Variants in EHMT1 observed in about 807,000 individuals in gnomAD.
The protein encoded by EHMT1 is euchromatic histone lysine methyltransferase 1.
A neutral mutation model predicts 147.2 loss-of-function variants in EHMT1; 15 were observed. That is an observed-to-expected ratio of 0.10 (90% CI 0.07 to 0.16). The LOEUF is 0.16. Among genes scored for constraint, EHMT1 ranks in the 10% least tolerant of loss-of-function variants. The probability of loss-of-function intolerance (pLI) is 1.00; values close to 1 mark genes in which losing one functional copy is unlikely to be tolerated. For synonymous variants in EHMT1, 795 were observed against 709.6 expected, an observed-to-expected ratio of 1.12 and a Z score of -1.91; for missense variants, 1,587 against 1,772.4, an observed-to-expected ratio of 0.90 and a Z score of 1.88.
intron 6 of EHMT1, among the ~76,000 whole-genome samples, 178 bp from the exon 7 acceptor site, chr9:137,752,153 C>T (rs1486106348): frequency 6.6e-6 from 1 of 152,230 alleles, no homozygotes; most frequent in Non-Finnish European, 1.5e-5. Flanking sequence ...CACTCGGTCA[C>T]CCCACACACC....
rs1247668468 is a variant in EHMT1, at chr9:137,636,069, A to ACC, written c.21+17020_21+17021insCC. Among the ~76,000 whole-genome samples, 4 of 151,432 alleles carry ACC rather than the reference A, an allele frequency of 2.6e-5. No individual in the cohort carries two copies. In the East Asian group the frequency reaches 8.0e-4, roughly 30 times the overall value. ...CCTGAGTAGTTGGGATTACAGGTGCATGCCACCACGCCTTGCTAATTTTTG... is the reference window on the plus strand; with the variant it reads ...CCTGAGTAGTTGGGATTACAGGTGCACCTGCCACCACGCCTTGCTAATTTTTG... On this transcript the variant is annotated intron_variant, in intron 1 of 26. Coordinates refer to ENST00000460843, the MANE Select transcript of EHMT1 (RefSeq NM_024757.5).
intron 9 of EHMT1, among the ~76,000 whole-genome samples, chr9:137,758,730 A>G (rs1949571342): frequency 6.6e-6 from 1 of 152,220 alleles, no homozygotes; most frequent in Admixed American, 6.5e-5. Context: ...GGCCATTTAA[A>G]AATGACAAAT....
rs777132995 is a variant in EHMT1 at position 137,834,492 on chromosome 9, C to T, written c.3684C>T (p.Ser1228=). ...GGTTCCCCCGGATCGCCTTCTTCAG[C>T]ACCCGCCTGATCGAGGCCGGCGAGC... ...DLRFPRIAFF[S]TRLIEAGEQL... The change falls in exon 26 of 27, where the codon AGC becomes AGT. Residue 1228 remains serine (S), a synonymous_variant. Coordinates refer to ENST00000460843, the MANE Select transcript of EHMT1 (RefSeq NM_024757.5). 111 of 1,612,128 alleles carry T rather than the reference C, an allele frequency of 6.9e-5. No individual in the cohort carries two copies. The highest frequency in any genetic ancestry group is 8.7e-5 in the Non-Finnish European group (103 of 1,179,764).
At chr9:137,695,606 G>C (rs543615888) in intron 1 of EHMT1, among the ~76,000 whole-genome samples, 1 of 152,190 alleles carries the variant, frequency 6.6e-6, no homozygotes, top group Non-Finnish European at 1.5e-5. Flanking sequence ...TGTTAGTGTG[G>C]GCTGCGTCCT....
chr9:137,756,493 G>T (rs1250232958), intron 8 of EHMT1, among the ~76,000 whole-genome samples: 1 of 152,190 alleles, frequency 6.6e-6, no homozygotes, highest in South Asian at 2.1e-4. Flanking sequence ...AAAAGAGAGG[G>T]TTGCGGGAGA....
rs1951621210 is a variant in EHMT1, at chr9:137,782,350, G to A, written c.2335G>A (p.Ala779Thr). 1.2e-6 allele frequency: 2 copies of A among 1,613,008 alleles called. No individual in the cohort carries two copies. Among genetic ancestry groups the A allele is most frequent in the Non-Finnish European group, 8.5e-7 (1 of 1,179,900 alleles). Residue 779 changes from alanine (A) to threonine (T), a missense_variant, in exon 15 of 27, where the codon GCC becomes ACC. Ala to Thr is a moderately conservative substitution (Grantham distance 58). Coordinates refer to ENST00000460843, the MANE Select transcript of EHMT1 (RefSeq NM_024757.5). The surrounding 1 kb of genome is among the most constrained non-coding windows in gnomAD (Gnocchi z 5.7). ...CCAGAATAAGCGCTCTCCACTGCAC[G>A]CCGCGGCAGAGGCTGGACACGTGGA... ...EHQNKRSPLH[A>T]AAEAGHVDIC...
intron 12 of EHMT1, 113 bp from the exon 13 acceptor site, chr9:137,777,769 C>T: frequency 6.9e-7 from 1 of 1,455,732 alleles, no homozygotes; most frequent in Non-Finnish European, 9.5e-7. Context: ...ACTAAGCGGA[C>T]AGTAAGCAAA....
chr9:137,816,170 ATG>A, intron 23 of EHMT1, 108 bp downstream of exon 23: 1 of 986,890 alleles, frequency 1.0e-6, no homozygotes, highest in Non-Finnish European at 1.6e-6. Context: ...ATGCACGCAC[ATG>A]TGTGTTTGCA....
intron 1 of EHMT1, chr9:137,641,103 A>G: frequency 3.3e-6 from 1 of 300,956 alleles, no homozygotes; most frequent in Non-Finnish European, 6.5e-6. Context: ...GGAACCAAGG[A>G]GCACTGTGAT....
chr9:137,700,287 G>A (rs866288392), intron 1 of EHMT1, among the ~76,000 whole-genome samples: 12 of 152,276 alleles, frequency 7.9e-5, no homozygotes, highest in South Asian at 2.1e-4. Flanking sequence ...GGAGCTGCTT[G>A]TGTACTTGGC....
chr9:137,823,155 G>C (rs1379454835), intron 25 of EHMT1, among the ~76,000 whole-genome samples: 2 of 145,638 alleles, frequency 1.4e-5, no homozygotes, highest in Admixed American at 1.4e-4. Context: ...CTGGAGTGCA[G>C]TGACGCAGTC....
At chr9:137,623,154 A>G (rs1843039281) in intron 1 of EHMT1, among the ~76,000 whole-genome samples, 1 of 151,024 alleles carries the variant, frequency 6.6e-6, no homozygotes, top group Admixed American at 6.6e-5. Context: ...TGGAGCTTGT[A>G]GTGAGCCAAG....
At chr9:137,728,254 A>G in intron 3 of EHMT1, 95 bp from the exon 4 acceptor site, 1 of 1,530,754 alleles carries the variant, frequency 6.5e-7, no homozygotes, top group Non-Finnish European at 9.0e-7. Context: ...GGTTGTGGGG[A>G]ATTATCGGGG....
At chr9:137,812,880 C>T in intron 19 of EHMT1, 126 bp from the exon 20 acceptor site, 2 of 1,343,928 alleles carry the variant, frequency 1.5e-6, no homozygotes, top group South Asian at 2.4e-5. Context: ...CAGACTTGTT[C>T]AAGTTATCTC....
intron 18 of EHMT1, among the ~76,000 whole-genome samples, chr9:137,802,116 T>G (rs1245021580): frequency 1.3e-5 from 2 of 152,130 alleles, no homozygotes; most frequent in East Asian, 3.9e-4. Context: ...ACTGATTAAC[T>G]CAAAAGGGTG....
At chr9:137,833,756 C>G (rs942826395) in intron 25 of EHMT1, among the ~76,000 whole-genome samples, 1 of 152,242 alleles carries the variant, frequency 6.6e-6, no homozygotes, top group Admixed American at 6.5e-5. Context: ...TCTTCGGCCT[C>G]GTGTTCCACA....
intron 9 of EHMT1, among the ~76,000 whole-genome samples, chr9:137,761,964 C>T (rs544207912): frequency 1.3e-5 from 2 of 152,348 alleles, no homozygotes; most frequent in East Asian, 1.9e-4. Flanking sequence ...GCTCAACAGC[C>T]TTGGCCTTGC....
At chr9:137,718,409 G>T (rs1377634371) in intron 3 of EHMT1, among the ~76,000 whole-genome samples, 1 of 152,236 alleles carries the variant, frequency 6.6e-6, no homozygotes, top group Non-Finnish European at 1.5e-5. Context: ...GACATTGCTG[G>T]TGAACATTCT....
intron 1 of EHMT1, among the ~76,000 whole-genome samples, chr9:137,668,896 C>CT (rs573966232): frequency 1.1e-3 from 160 of 148,380 alleles, no homozygotes; most frequent in African/African-American, 3.6e-3. Flanking sequence ...AAGTTGTTTT[C>CT]TTTTTTTGGA....
Sources: allele counts gnomAD v4.1 joint callset (sites outside exome capture counted in the v4.1 genomes callset), GRCh38; gene constraint gnomAD v4.1.1; non-coding constraint Gnocchi (gnomAD v3.1); transcripts MANE v1.5; gene names NCBI Gene and HGNC (gene_info 2026-07-23, HGNC 2026-07-21).